Variants in DLGAP2 observed in about 807,000 individuals in gnomAD.
The protein encoded by DLGAP2 is disks large-associated protein 2.
In DLGAP2, 26 loss-of-function variants were observed where a neutral mutation model predicts 100.3. The ratio of observed to expected loss-of-function variants is 0.26; its 90% CI spans 0.19 to 0.36. DLGAP2 has a LOEUF of 0.36. Ranked by LOEUF, DLGAP2 falls within the 10% of genes least tolerant of loss-of-function variation. The probability of loss-of-function intolerance (pLI) is 1.00; values close to 1 mark genes in which losing one functional copy is unlikely to be tolerated. For missense variants in DLGAP2, 1,858 were observed against 1,453.2 expected (o/e 1.28, Z -4.53); for synonymous variants, 886 against 630.1 (o/e 1.41, Z -6.08).
At chr8:1,181,243 C>T (rs929716009) in intron 2 of DLGAP2, among the ~76,000 whole-genome samples, 14 of 150,000 alleles carry the variant, frequency 9.3e-5, no homozygotes, top group African/African-American at 3.5e-4. Context: ...AAGGGCAGTA[C>T]ACTTACTGTC....
intron 2 of DLGAP2, among the ~76,000 whole-genome samples, chr8:918,282 G>C (rs1438871522): frequency 6.6e-6 from 1 of 152,180 alleles, no homozygotes; most frequent in African/African-American, 2.4e-5. Flanking sequence ...TTTAAAATAT[G>C]CCTCTGTTAT....
intron 2 of DLGAP2, among the ~76,000 whole-genome samples, chr8:1,119,623 TGTTTCC>T (rs1271568959): frequency 6.6e-6 from 1 of 152,252 alleles, no homozygotes; most frequent in Non-Finnish European, 1.5e-5. Context: ...GCACACACGC[TGTTTCC>T]TCATGTGAAC....
At chr8:852,307 T>A (rs1797197040) in intron 1 of DLGAP2, among the ~76,000 whole-genome samples, 2 of 152,218 alleles carry the variant, frequency 1.3e-5, no homozygotes, top group South Asian at 4.1e-4. Flanking sequence ...CTCTGCCTCC[T>A]GTCTCCACTG....
chr8:1,046,254 G>T (rs958787931), intron 2 of DLGAP2, among the ~76,000 whole-genome samples: 1 of 152,164 alleles, frequency 6.6e-6, no homozygotes, highest in Non-Finnish European at 1.5e-5. Flanking sequence ...TTGGCATAAT[G>T]AAATCCATGC....
chr8:1,060,733 C>G (rs968404451), intron 2 of DLGAP2, among the ~76,000 whole-genome samples: 7 of 152,228 alleles, frequency 4.6e-5, no homozygotes, highest in Non-Finnish European at 2.9e-5. Flanking sequence ...ATGACTGCCC[C>G]ACATTTCAGG....
chr8:860,494 T>C (rs746683930), intron 1 of DLGAP2, among the ~76,000 whole-genome samples: 10 of 152,186 alleles, frequency 6.6e-5, no homozygotes, highest in Non-Finnish European at 1.5e-4. Context: ...ATGACTTCGC[T>C]GGGGCCGTAG....
intron 2 of DLGAP2, among the ~76,000 whole-genome samples, chr8:1,107,522 G>A (rs979396158): frequency 2.6e-5 from 4 of 152,192 alleles, no homozygotes; most frequent in Admixed American, 1.3e-4. Context: ...GAGAGCCAGG[G>A]CCCCTCGCGT....
At chr8:1,649,167 G>A (rs1798108065) in intron 8 of DLGAP2, among the ~76,000 whole-genome samples, 1 of 152,192 alleles carries the variant, frequency 6.6e-6, no homozygotes, top group Admixed American at 6.5e-5. Context: ...ATGTCCAAAA[G>A]CCAATGCTAT....
intron 2 of DLGAP2, among the ~76,000 whole-genome samples, chr8:1,063,402 G>C: frequency 6.6e-6 from 1 of 152,190 alleles, no homozygotes; most frequent in East Asian, 1.9e-4. Flanking sequence ...CGTCCACAAA[G>C]GGCCTTAGCA....
intron 3 of DLGAP2, among the ~76,000 whole-genome samples, chr8:1,420,273 C>T (rs146220738): frequency 6.6e-6 from 1 of 152,256 alleles, no homozygotes; most frequent in African/African-American, 2.4e-5. Context: ...TAAGGACTGT[C>T]CTTTCAACCT....
intron 2 of DLGAP2, among the ~76,000 whole-genome samples, chr8:1,203,527 T>C (rs1239558865): frequency 3.9e-5 from 6 of 152,194 alleles, no homozygotes; most frequent in Non-Finnish European, 8.8e-5. Flanking sequence ...TTCTCAGCGA[T>C]CTCTGTGGAA....
chr8:746,498 A>G (rs1238887454), intron 1 of DLGAP2, among the ~76,000 whole-genome samples: 1 of 152,196 alleles, frequency 6.6e-6, no homozygotes, highest in African/African-American at 2.4e-5. Flanking sequence ...TCCACCATCC[A>G]GTGCCACGGG....
chr8:905,274 G>A (rs1798354810), intron 1 of DLGAP2, among the ~76,000 whole-genome samples: 1 of 152,096 alleles, frequency 6.6e-6, no homozygotes, highest in South Asian at 2.1e-4. Flanking sequence ...TGGCTCTGCT[G>A]GTCAGTGCTG....
chr8:1,133,911 A>G (rs1038180777), intron 2 of DLGAP2, among the ~76,000 whole-genome samples: 1 of 151,688 alleles, frequency 6.6e-6, no homozygotes, highest in African/African-American at 2.4e-5. Flanking sequence ...AATGTGTGTC[A>G]TGGGGGTTTG....
At chr8:1,150,665 G>C (rs1318313738) in intron 2 of DLGAP2, among the ~76,000 whole-genome samples, 1 of 152,182 alleles carries the variant, frequency 6.6e-6, no homozygotes, top group Non-Finnish European at 1.5e-5. Flanking sequence ...TCAACTTGGA[G>C]GTTATTCTAA....
At chr8:903,450 G>GC (rs1798304035) in intron 1 of DLGAP2, among the ~76,000 whole-genome samples, 1 of 152,148 alleles carries the variant, frequency 6.6e-6, no homozygotes, top group Admixed American at 6.5e-5. Flanking sequence ...GCCACAACAG[G>GC]CCTGTGTATT....
intron 1 of DLGAP2, among the ~76,000 whole-genome samples, chr8:752,187 C>T (rs1820808846): frequency 6.6e-6 from 1 of 152,184 alleles, no homozygotes. Flanking sequence ...CCCACTTTTT[C>T]CTCACTGTGA....
At chr8:1,642,226 C>T (rs370752711) in intron 8 of DLGAP2, among the ~76,000 whole-genome samples, 23 of 10,656 alleles carry the variant, frequency 2.2e-3, no homozygotes, top group South Asian at 0.016. Context: ...ACCCCGCCGG[C>T]CCTCACCTGT....
intron 2 of DLGAP2, among the ~76,000 whole-genome samples, chr8:1,206,729 C>T (rs1315328951): frequency 2.0e-5 from 3 of 152,224 alleles, no homozygotes; most frequent in Non-Finnish European, 4.4e-5. Context: ...TCCTTAGCTG[C>T]GTCCTGGAGA....
Sources: gnomAD v4.1 joint callset for allele counts (sites outside exome capture counted in the v4.1 genomes callset) on GRCh38, gnomAD v4.1.1 for gene constraint, MANE v1.5 for transcripts, NCBI Gene and HGNC (gene_info 2026-07-23, HGNC 2026-07-21) for gene names.